The following GORASP1 variants were observed in gnomAD, a reference collection of about 807,000 sequenced individuals.
The protein encoded by GORASP1 is Golgi reassembly-stacking protein 1.
Under a neutral mutation model 37.7 loss-of-function variants are expected in GORASP1, and 31 were observed. The observed-to-expected ratio is 0.82, with a 90% CI of 0.62 to 1.11. The LOEUF (loss-of-function observed/expected upper bound fraction) is 1.11, where lower values mean the gene tolerates loss of function less well. GORASP1 is among the 50% of genes least tolerant of loss of function. The pLI, the probability that GORASP1 is intolerant of heterozygous loss-of-function variation, is 0.00. For missense variants in GORASP1, 476 were observed against 560.7 expected (o/e 0.85, Z 1.53); for synonymous variants, 204 against 224.8 (o/e 0.91, Z 0.83).
intron 1 of GORASP1, 133 bp downstream of exon 1, chr3:39,107,346 C>A: frequency 3.8e-6 from 2 of 526,260 alleles, no homozygotes; most frequent in South Asian, 4.8e-5. Context: ...GGGCAGGGGG[C>A]ACCTCCCGCC....
In GORASP1 at chr3:39,105,079, C is replaced by T. The variant is rs1031508752; in HGVS notation, c.64-1526G>A. Among the ~76,000 whole-genome samples the T allele has an allele frequency of 2.6e-5, 4 of 152,152 alleles. No individual in the cohort carries two copies. Among genetic ancestry groups the T allele is most frequent in the African/African-American group, 9.7e-5 (4 of 41,410 alleles). ...GAATGAGGTCCAGAGGGTCAGGCCC[C>T]AGGCCTGGCCTCCTTGACCCACCCA... On this transcript the variant is annotated intron_variant, in intron 1 of 8. Transcript: ENST00000319283. This position sits in a 1 kb window ranked among gnomAD's most constrained non-coding sequence, Gnocchi z 5.4.
chr3:39,098,848 G>T lies in GORASP1; in HGVS notation c.962C>A (p.Ala321Asp). ...AGAGGGCAGGCTGGGCCACACACTG[G>T]CATTGCTGTTGTCCAAGAGAGAAAT... ...SGISLLDNSN[A>D]SVWPSLPSST... is the part of the protein sequence containing the mutation. The change falls in exon 8 of 9, where the codon GCC becomes GAC. Residue 321 changes from alanine to aspartate, a missense_variant. By Grantham distance (126) the Ala-to-Asp change is moderately radical (BLOSUM62 -2). Coordinates refer to ENST00000319283, the MANE Select transcript of GORASP1 (RefSeq NM_031899.4). The surrounding 1 kb of genome is among the most constrained non-coding windows in gnomAD (Gnocchi z 4.7). 1 of 1,614,168 alleles carries T rather than the reference G, an allele frequency of 6.2e-7. No individual in the cohort carries two copies. The highest frequency in any genetic ancestry group is 1.6e-4 in the Middle Eastern group (1 of 6,062).
Position 39,100,579 on chromosome 3 carries a change from C to A in GORASP1, c.567-76G>T. On this transcript the variant is annotated intron_variant, in intron 5 of 8. Coordinates refer to ENST00000319283, the MANE Select transcript of GORASP1 (RefSeq NM_031899.4). The surrounding 1 kb of genome is among the most constrained non-coding windows in gnomAD (Gnocchi z 4.6). ...CTACCTTTGCTATCCCCACCTACTA[C>A]CAGCAATAAGGGGGCTGAAAAGGGT... 1 of 1,485,866 alleles carries A rather than the reference C, an allele frequency of 6.7e-7. No homozygotes were observed. Among genetic ancestry groups the A allele is most frequent in the Non-Finnish European group, 9.1e-7 (1 of 1,104,092 alleles). 92.0% of individuals were successfully genotyped at this position (1,485,866 alleles called of 1,614,324 possible).
intron 6 of GORASP1, 142 bp from the exon 7 acceptor site, chr3:39,099,645 C>G: frequency 1.1e-6 from 1 of 914,940 alleles, no homozygotes; most frequent in Non-Finnish European, 1.7e-6. Flanking sequence ...CTTAATAAAC[C>G]ACCCCTTCTT....
At chr3:39,101,362 G>A in intron 3 of GORASP1, 1 of 594,072 alleles carries the variant, frequency 1.7e-6, no homozygotes, top group Non-Finnish European at 3.0e-6. Flanking sequence ...TCAACCCCTG[G>A]CTCCAGCTGC....
At position 39,103,214 on chromosome 3, in the gene GORASP1, C is replaced by A; in HGVS notation, c.144+259G>T. ...CCAGGGCCCTCATATCCCTCATGCC[C>A]CAGGAGGCAGGCCCCTTGGGCCTTG... On this transcript the variant is annotated intron_variant, in intron 2 of 8. Transcript: ENST00000319283. The surrounding 1 kb of genome is among the most constrained non-coding windows in gnomAD (Gnocchi z 5.2). The A allele has an allele frequency of 1.7e-6, 1 of 588,146 alleles. No homozygotes were observed. The highest frequency in any genetic ancestry group is 2.8e-5 in the East Asian group (1 of 35,554). The allele number at this position is 588,146 out of a possible 1,614,324, so 36.4% of individuals were successfully genotyped here.
chr3:39,099,273 G>T (rs1429671046), intron 7 of GORASP1, 80 bp downstream of exon 7: 1 of 1,509,128 alleles, frequency 6.6e-7, no homozygotes, highest in Non-Finnish European at 9.2e-7. Context: ...GGTCAGCAAG[G>T]CCTGGGGAAA....
In GORASP1 at chr3:39,101,795, A is replaced by G. The variant is rs958711370; in HGVS notation, c.349-693T>C. ...GTCAGTGAGAAAAATAAGTGGCTAG[A>G]AAACAAATCAGCCAACTTCTAGTTC... On this transcript the variant is annotated intron_variant, in intron 3 of 8. Transcript: ENST00000319283. Among the ~76,000 whole-genome samples, 3 of 152,206 alleles carry G rather than the reference A, an allele frequency of 2.0e-5. No individual in the cohort carries two copies. The South Asian group carries it at 6.2e-4, about 32-fold the overall frequency.
Position 39,103,482 on chromosome 3 carries a change from G to C in GORASP1, c.135C>G (p.His45Gln). ...PYFDFIITIG[H>Q]SRLNKENDTL... ...AGGTTGGGGAACTCACCAGCCTCGAGTGCCCAATGGTGATGATGAAGTCAA... is the reference window on the plus strand; with the variant it reads ...AGGTTGGGGAACTCACCAGCCTCGACTGCCCAATGGTGATGATGAAGTCAA... Residue 45 changes from histidine (H) to glutamine (Q), a missense_variant, in exon 2 of 9, where the codon CAC becomes CAG. His to Gln is a conservative substitution (Grantham distance 24). Transcript: ENST00000319283. This position sits in a 1 kb window ranked among gnomAD's most constrained non-coding sequence, Gnocchi z 5.2. The C allele has an allele frequency of 6.2e-7, 1 of 1,612,796 alleles. No homozygotes were observed. The highest frequency in any genetic ancestry group is 8.5e-7 in the Non-Finnish European group (1 of 1,179,384).
At position 39,097,476 on chromosome 3, in the gene GORASP1, A is replaced by C. The variant is rs1159564098; in HGVS notation, c.*760T>G. On this transcript the variant is annotated 3_prime_UTR_variant, in exon 9 of 9. Transcript: ENST00000319283. ...TTGGGAACCGTGCGTGGATAGACCTAGTCAGGTAGACTGGCTTTGAGAAAT... is the reference window on the plus strand; with the variant it reads ...TTGGGAACCGTGCGTGGATAGACCTCGTCAGGTAGACTGGCTTTGAGAAAT... 1 of 152,310 alleles carries C rather than the reference A, an allele frequency of 6.6e-6. No individual in the cohort carries two copies. Among genetic ancestry groups the C allele is most frequent in the East Asian group, 1.9e-4 (1 of 5,200 alleles). The allele number at this position is 152,310 out of a possible 1,614,324, so 9.4% of individuals were successfully genotyped here.
intron 1 of GORASP1, among the ~76,000 whole-genome samples, chr3:39,106,067 C>T (rs1306784808): frequency 6.6e-6 from 1 of 152,176 alleles, no homozygotes; most frequent in Non-Finnish European, 1.5e-5. Flanking sequence ...TCCCCTTAAC[C>T]TGCTTTATTT....
Position 39,102,598 on chromosome 3 carries a change from T to C in GORASP1, c.348+80A>G. On this transcript the variant is annotated intron_variant, in intron 3 of 8. Coordinates refer to ENST00000319283, the MANE Select transcript of GORASP1 (RefSeq NM_031899.4). This position sits in a 1 kb window ranked among gnomAD's most constrained non-coding sequence, Gnocchi z 5.0. ...CCACTCCACTCCTGCATGTACCCCC[T>C]CACACCCCGCCCACACCCAGACCTG... 7.0e-7 allele frequency: 1 copy of C among 1,436,512 alleles called. No individual in the cohort carries two copies. 89.0% of individuals were successfully genotyped at this position (1,436,512 alleles called of 1,614,324 possible).
chr3:39,098,924 C>A lies in GORASP1; in HGVS notation c.917-31G>T, dbSNP rs761272826. 8.1e-6 allele frequency: 13 copies of A among 1,611,444 alleles called. No homozygotes were observed. The highest frequency in any genetic ancestry group is 1.7e-5 in the Admixed American group (1 of 59,898). ...GGAGGGTGGTGCAGTTCTTTGCCAG[C>A]AAGAAACCCTGACTGCTGGAAAGCA... On this transcript the variant is annotated intron_variant, in intron 7 of 8. Transcript: ENST00000319283. This position sits in a 1 kb window ranked among gnomAD's most constrained non-coding sequence, Gnocchi z 4.7.
Position 39,098,995 on chromosome 3 carries a change from G to A in GORASP1, c.917-102C>T. On this transcript the variant is annotated intron_variant, in intron 7 of 8. Coordinates refer to ENST00000319283, the MANE Select transcript of GORASP1 (RefSeq NM_031899.4). This position sits in a 1 kb window ranked among gnomAD's most constrained non-coding sequence, Gnocchi z 4.7. ...CTAGGGCATCTGGCCCAGCCTGTGA[G>A]ACTGTAATCTCCTCAGCCCCTGGTG... 7.0e-7 allele frequency: 1 copy of A among 1,430,364 alleles called. No homozygotes were observed. The highest frequency in any genetic ancestry group is 9.7e-7 in the Non-Finnish European group (1 of 1,033,756). 88.6% of individuals were successfully genotyped at this position (1,430,364 alleles called of 1,614,324 possible). A position where few individuals can be genotyped will look rare whatever the true frequency, so the allele number is the denominator to read the frequency against.
Position 39,098,696 on chromosome 3 carries a change from C to A in GORASP1, c.1069+45G>T. The stretch of plus-strand genomic sequence containing the variant: ...GAATTGAGGGCAGCCTTCCCAACAA[C>A]CCGGGGTCCTTCCCAGAGGACTTCG... On this transcript the variant is annotated intron_variant, in intron 8 of 8. Coordinates refer to ENST00000319283, the MANE Select transcript of GORASP1 (RefSeq NM_031899.4). This position sits in a 1 kb window ranked among gnomAD's most constrained non-coding sequence, Gnocchi z 4.7. The A allele has an allele frequency of 6.3e-7, 1 of 1,599,408 alleles. No individual in the cohort carries two copies. Among genetic ancestry groups the A allele is most frequent in the Non-Finnish European group, 8.5e-7 (1 of 1,172,214 alleles).
intron 3 of GORASP1, chr3:39,101,563 A>G (rs761122080): frequency 4.4e-6 from 2 of 457,244 alleles, no homozygotes; most frequent in Admixed American, 2.3e-5. Flanking sequence ...GCATGTGGCT[A>G]AAGACTCCTA....
At chr3:39,099,321 G>A in intron 7 of GORASP1, 32 bp downstream of exon 7, 1 of 1,612,204 alleles carries the variant, frequency 6.2e-7, no homozygotes, top group East Asian at 2.2e-5. Flanking sequence ...CCCAAGCCTG[G>A]GGCCCACTCC....
chr3:39,103,553 C>T lies in GORASP1; in HGVS notation c.64G>A (p.Val22Met), dbSNP rs768369169. 1 of 1,610,656 alleles carries T rather than the reference C, an allele frequency of 6.2e-7. No individual in the cohort carries two copies. Among genetic ancestry groups the T allele is most frequent in the South Asian group, 1.1e-5 (1 of 90,772 alleles). ...GGAEGFHLHG[V>M]QENSPAQQAG... ...TGCTGGGCTGGGGAGTTCTCCTGCACCTATCCCACAGCAAAGACCACAGTC... is the reference window on the plus strand; with the variant it reads ...TGCTGGGCTGGGGAGTTCTCCTGCATCTATCCCACAGCAAAGACCACAGTC... The change falls in exon 2 of 9, where the codon GTG (valine) becomes ATG (methionine). Residue 22 changes from valine (V) to methionine (M), a missense_variant and splice_region_variant. Coordinates refer to ENST00000319283, the MANE Select transcript of GORASP1 (RefSeq NM_031899.4). The surrounding 1 kb of genome is among the most constrained non-coding windows in gnomAD (Gnocchi z 5.2).
chr3:39,104,121 A>C (rs2035890117), intron 1 of GORASP1, among the ~76,000 whole-genome samples: 1 of 152,126 alleles, frequency 6.6e-6, no homozygotes, highest in African/African-American at 2.4e-5. Flanking sequence ...ACTGGCAGAG[A>C]AGCAGACCCC....
Sources: gnomAD v4.1 joint callset for allele counts (sites outside exome capture counted in the v4.1 genomes callset) on GRCh38, gnomAD v4.1.1 for gene constraint, Gnocchi (gnomAD v3.1) non-coding constraint, MANE v1.5 for transcripts, NCBI Gene and HGNC (gene_info 2026-07-23, HGNC 2026-07-21) for gene names.